The following TANGO2 variants were observed in gnomAD, a reference collection of about 807,000 sequenced individuals.
The protein encoded by TANGO2 is transport and golgi organization 2 homolog.
TANGO2 carries 26 observed loss-of-function variants against 39.1 expected under a neutral mutation model. That is an observed-to-expected ratio of 0.67 (90% CI 0.49 to 0.92). TANGO2 has a LOEUF of 0.92. TANGO2 is among the 40% of genes least tolerant of loss of function. The pLI is 0.00. For missense variants in TANGO2, 326 were observed against 360.1 expected (o/e 0.91, Z 0.77); for synonymous variants, 131 against 144.5 (o/e 0.91, Z 0.67).
chr22:20,036,452 G>A (rs148301281), intron 1 of TANGO2, among the ~76,000 whole-genome samples: 270 of 152,286 alleles, frequency 1.8e-3, no homozygotes, highest in South Asian at 6.8e-3. Context: ...GCTGCCCCCC[G>A]GGGACCCCCT....
At chr22:20,047,822 C>T (rs1417929148) in intron 3 of TANGO2, 1 of 152,122 alleles carries the variant, frequency 6.6e-6, no homozygotes, top group Non-Finnish European at 1.5e-5. Flanking sequence ...CCCAAATCCC[C>T]ACATGTCCTG....
At chr22:20,029,361 A>G (rs2041405433) in intron 1 of TANGO2, among the ~76,000 whole-genome samples, 1 of 152,176 alleles carries the variant, frequency 6.6e-6, no homozygotes, top group Non-Finnish European at 1.5e-5. Context: ...GAGTGCCTGG[A>G]AAGCTTCCGT....
chr22:20,048,096 T>A (rs1415491775), intron 3 of TANGO2: 1 of 152,186 alleles, frequency 6.6e-6, no homozygotes, highest in East Asian at 1.9e-4. Context: ...AGCTAATTTT[T>A]GTATTTTTAG....
chr22:20,031,182 A>C (rs2041782500), intron 1 of TANGO2, among the ~76,000 whole-genome samples: 1 of 146,712 alleles, frequency 6.8e-6, no homozygotes. Flanking sequence ...TAGGTGACAG[A>C]TCGAGACTCT....
chr22:20,049,663 A>G (rs1293919905), intron 3 of TANGO2, among the ~76,000 whole-genome samples: 1 of 149,970 alleles, frequency 6.7e-6, no homozygotes, highest in Non-Finnish European at 1.5e-5. Context: ...TCTGTCTCAA[A>G]AAAAAAAAAA....
At chr22:20,036,738 C>G (rs2042917843) in intron 1 of TANGO2, 22 bp from the exon 2 acceptor site, 11 of 1,605,286 alleles carry the variant, frequency 6.9e-6, no homozygotes, top group Non-Finnish European at 9.4e-6. Flanking sequence ...CCGCTCAACT[C>G]AGTGTTTTCC....
At chr22:20,027,770 G>A (rs1343881875) in intron 1 of TANGO2, among the ~76,000 whole-genome samples, 1 of 151,894 alleles carries the variant, frequency 6.6e-6, no homozygotes, top group Admixed American at 6.6e-5. Flanking sequence ...ACCATGCTCG[G>A]CTAATTTTAT....
At chr22:20,029,466 AC>A (rs1162352427) in intron 1 of TANGO2, among the ~76,000 whole-genome samples, 3 of 152,286 alleles carry the variant, frequency 2.0e-5, no homozygotes, top group African/African-American at 7.2e-5. Flanking sequence ...GGCTAGGGGA[AC>A]GTATGCTGGG....
At chr22:20,053,765 T>A (rs1277021055) in intron 5 of TANGO2, 5 of 598,400 alleles carry the variant, frequency 8.4e-6, no homozygotes, top group Non-Finnish European at 1.6e-5. Context: ...TGTGATGGCA[T>A]GAGGGCTGCC....
upstream of TANGO2, chr22:20,017,046 CG>C (rs1945234833): frequency 6.6e-6 from 1 of 152,142 alleles, no homozygotes; most frequent in East Asian, 1.9e-4. Flanking sequence ...TCTGCGGCGG[CG>C]GTGGCAGGGT....
intron 6 of TANGO2, chr22:20,056,819 T>C (rs1383465303): frequency 2.2e-6 from 1 of 456,442 alleles, no homozygotes; most frequent in Non-Finnish European, 4.4e-6. Context: ...GCTCACTCAC[T>C]CCCACACTCG....
At position 20,061,515 on chromosome 22, in the gene TANGO2, G is replaced by A; in HGVS notation, c.452-15G>A. 6.3e-7 allele frequency: 1 copy of A among 1,593,824 alleles called. No homozygotes were observed. Among genetic ancestry groups the A allele is most frequent in the African/African-American group, 1.3e-5 (1 of 74,794 alleles). ...CAGCAGGGCCTCTGCATGGCCCGCT[G>A]ATTGCTCCTCACAGGCACCTACGGG... On this transcript the variant is annotated splice_polypyrimidine_tract_variant and intron_variant, in intron 6 of 8. Coordinates refer to ENST00000327374, the MANE Select transcript of TANGO2 (RefSeq NM_152906.7).
chr22:20,063,485 C>T (rs200669662), intron 8 of TANGO2, 43 bp downstream of exon 8: 1 of 1,551,358 alleles, frequency 6.4e-7, no homozygotes, highest in East Asian at 2.3e-5. Context: ...TCCCATGTCC[C>T]ACCTCCCACG....
intron 1 of TANGO2, among the ~76,000 whole-genome samples, chr22:20,031,776 C>G (rs1461330134): frequency 6.6e-6 from 1 of 152,240 alleles, no homozygotes. Flanking sequence ...CAGAAGGCAG[C>G]ATGCTGACTT....
intron 1 of TANGO2, among the ~76,000 whole-genome samples, chr22:20,035,170 G>C (rs1170554375): frequency 6.6e-6 from 1 of 152,130 alleles, no homozygotes; most frequent in African/African-American, 2.4e-5. Flanking sequence ...CCATCCCCCT[G>C]ACCCAGTGCG....
intron 8 of TANGO2, 128 bp downstream of exon 8, chr22:20,063,570 C>T: frequency 1.2e-6 from 1 of 868,942 alleles, no homozygotes; most frequent in South Asian, 1.7e-5. Flanking sequence ...GATTCCAGAG[C>T]TTCTGCCCTG....
chr22:20,030,388 C>T (rs759125259), intron 1 of TANGO2, among the ~76,000 whole-genome samples: 9 of 151,836 alleles, frequency 5.9e-5, no homozygotes, highest in Admixed American at 2.6e-4. Flanking sequence ...GCTCTGTTGC[C>T]CAGGCTGGAG....
rs973667802 is a variant in TANGO2 at position 20,064,732 on chromosome 22, C to T, written c.*70C>T. The stretch of plus-strand genomic sequence containing the variant: ...TTGAGGGGCACTGTGGACAGGAAAC[C>T]TTCCTTTGCCATACTGCATTGCACT... On this transcript the variant is annotated 3_prime_UTR_variant, in exon 9 of 9. Coordinates refer to ENST00000327374, the MANE Select transcript of TANGO2 (RefSeq NM_152906.7). 31 of 1,585,700 alleles carry T rather than the reference C, an allele frequency of 2.0e-5. No individual in the cohort carries two copies. The highest frequency in any genetic ancestry group is 2.7e-5 in the Non-Finnish European group (31 of 1,164,968).
At chr22:20,033,202 C>T (rs201441124) in intron 1 of TANGO2, 1 of 525,650 alleles carries the variant, frequency 1.9e-6, no homozygotes. Flanking sequence ...GCTGGCTTTC[C>T]TCTGGTCCTT....
Sources: gnomAD v4.1 joint callset for allele counts (sites outside exome capture counted in the v4.1 genomes callset) on GRCh38, gnomAD v4.1.1 for gene constraint, MANE v1.5 for transcripts, NCBI Gene and HGNC (gene_info 2026-07-23, HGNC 2026-07-21) for gene names.